The following GRB7 variants were observed in gnomAD, a reference collection of about 807,000 sequenced individuals.
GRB7 encodes growth factor receptor-bound protein 7.
In GRB7, 47 loss-of-function variants were observed where a neutral mutation model predicts 64.1. The observed-to-expected ratio is 0.73, with a 90% CI of 0.58 to 0.94. The LOEUF is 0.94. Among genes scored for constraint, GRB7 ranks in the 40% least tolerant of loss-of-function variants. The pLI, the probability that GRB7 is intolerant of heterozygous loss-of-function variation, is 0.00. For synonymous variants in GRB7, 277 were observed against 279.9 expected (o/e 0.99, Z 0.10); for missense variants, 634 against 718.4 (o/e 0.88, Z 1.34).
chr17:39,745,875 C>T (rs1478105489), intron 12 of GRB7, 38 bp from the exon 13 acceptor site: 2 of 1,612,944 alleles, frequency 1.2e-6, no homozygotes, highest in Admixed American at 1.7e-5. Flanking sequence ...TAGGGGTCCC[C>T]TCCCCAAAGT....
chr17:39,743,745 C>T (rs986331736), intron 6 of GRB7: 29 of 419,152 alleles, frequency 6.9e-5, no homozygotes, highest in African/African-American at 4.2e-4. Context: ...GAGGCTGAGG[C>T]GGGAGGATTA....
chr17:39,745,435 A>T lies in GRB7; in HGVS notation c.1106A>T (p.Asp369Val). 1 of 1,613,884 alleles carries T rather than the reference A, an allele frequency of 6.2e-7. No individual in the cohort carries two copies. Among genetic ancestry groups the T allele is most frequent in the Non-Finnish European group, 8.5e-7 (1 of 1,179,952 alleles). Residue 369 changes from aspartate to valine, a missense_variant, in exon 11 of 15, where the codon GAT becomes GTT. By Grantham distance (152) the Asp-to-Val change is radical. Coordinates refer to ENST00000309156, the MANE Select transcript of GRB7 (RefSeq NM_005310.5). ...TTCCATCTCCAGAGAAGTGCCTCAGATAATACCCTGGTGGCCATGGACTTC... is the reference window on the plus strand; with the variant it reads ...TTCCATCTCCAGAGAAGTGCCTCAGTTAATACCCTGGTGGCCATGGACTTC... ...LGSPPLRSAS[D>V]NTLVAMDFSG... is the part of the protein sequence containing the mutation.
intron 5 of GRB7, 40 bp from the exon 6 acceptor site, chr17:39,743,353 G>C: frequency 6.2e-7 from 1 of 1,614,168 alleles, no homozygotes. Flanking sequence ...CCTCAACCTG[G>C]ATGCTGGAGC....
intron 1 of GRB7, among the ~76,000 whole-genome samples, chr17:39,740,897 G>A (rs906559940): frequency 1.3e-5 from 2 of 152,188 alleles, no homozygotes; most frequent in African/African-American, 2.4e-5. Flanking sequence ...CTCCTGAGGG[G>A]TCAATCCCAG....
At chr17:39,741,775 T>C (rs776779663) in intron 1 of GRB7, among the ~76,000 whole-genome samples, 1 of 151,720 alleles carries the variant, frequency 6.6e-6, no homozygotes, top group Non-Finnish European at 1.5e-5. Context: ...ATCCCAGCAC[T>C]TTGGGAGGCC....
Position 39,742,551 on chromosome 17 carries a change from T to G in GRB7, c.156-15T>G. 1 of 1,613,842 alleles carries G rather than the reference T, an allele frequency of 6.2e-7. No individual in the cohort carries two copies. The highest frequency in any genetic ancestry group is 8.5e-7 in the Non-Finnish European group (1 of 1,179,976). On this transcript the variant is annotated splice_polypyrimidine_tract_variant and intron_variant, in intron 2 of 14. Transcript: ENST00000309156. ...CCCTTCCCCACACCTCTCTCCCTTT[T>G]TCTTCTTGCCACAGGAAACTTCGAG...
intron 9 of GRB7, 44 bp from the exon 10 acceptor site, chr17:39,745,199 C>A: frequency 6.6e-7 from 1 of 1,512,732 alleles, no homozygotes; most frequent in South Asian, 1.2e-5. Flanking sequence ...GCCACGCCCC[C>A]AGGACCTCTC....
chr17:39,742,479 G>T (rs772848794), intron 2 of GRB7, 23 bp downstream of exon 2: 2 of 1,613,270 alleles, frequency 1.2e-6, no homozygotes, highest in Non-Finnish European at 8.5e-7. Context: ...GTGGGGCTTG[G>T]GGGAGGTCAG....
Position 39,744,655 on chromosome 17 carries a change from T to C in GRB7, c.904T>C (p.Cys302Arg). ...CGGGATGCCCACTGACTTCGGTTTCTGTGTCAAGGTGAAGACCTGGCCAGG... is the reference window on the plus strand; with the variant it reads ...CGGGATGCCCACTGACTTCGGTTTCCGTGTCAAGGTGAAGACCTGGCCAGG... ...LYGMPTDFGF[C>R]VKPNKLRNGH... Residue 302 changes from cysteine (C) to arginine (R), a missense_variant, in exon 8 of 15, where the codon TGT becomes CGT. By Grantham distance (180) the Cys-to-Arg change is radical. Around this residue, in one of 2 missense-constraint regions of GRB7, gnomAD observed 467 missense variants for 576.6 expected, o/e 0.81. Transcript: ENST00000309156. 6.2e-7 allele frequency: 1 copy of C among 1,602,406 alleles called. No individual in the cohort carries two copies. The highest frequency in any genetic ancestry group is 8.5e-7 in the Non-Finnish European group (1 of 1,174,732).
chr17:39,746,967 GA>G lies in GRB7; in HGVS notation c.*71del, dbSNP rs2060053940. The G allele has an allele frequency of 6.6e-7, 1 of 1,524,368 alleles. No individual in the cohort carries two copies. The highest frequency in any genetic ancestry group is 2.3e-5 in the East Asian group (1 of 43,520). 94.4% of individuals were successfully genotyped at this position (1,524,368 alleles called of 1,614,324 possible). A position where few individuals can be genotyped will look rare whatever the true frequency, so the allele number is the denominator to read the frequency against. The stretch of plus-strand genomic sequence containing the variant: ...CCGCCGCCCCTCCACCCATCCAGTG[GA>G]CTCTGGGGCGCGGCCACAGGGGACG... On this transcript the variant is annotated 3_prime_UTR_variant, in exon 15 of 15. Coordinates refer to ENST00000309156, the MANE Select transcript of GRB7 (RefSeq NM_005310.5).
In GRB7 at chr17:39,742,360, C is replaced by G; in HGVS notation, c.59C>G (p.Ala20Gly). The change falls in exon 2 of 15, where the codon GCC (alanine) becomes GGC (glycine). Residue 20 changes from alanine (A) to glycine (G), a missense_variant. By Grantham distance (60) the Ala-to-Gly change is moderately conservative. Around this residue, in one of 2 missense-constraint regions of GRB7, gnomAD observed 167 missense variants for 141.9 expected, o/e 1.18. Transcript: ENST00000309156. ...AGCTCTCCGGAAGACCTTTGCCCAG[C>G]CCCTGGGACCCCTCCTGGGACTCCC... ...LSSSPEDLCP[A>G]PGTPPGTPRP... 1 of 1,613,868 alleles carries G rather than the reference C, an allele frequency of 6.2e-7. No homozygotes were observed. Among genetic ancestry groups the G allele is most frequent in the South Asian group, 1.1e-5 (1 of 91,076 alleles).
At position 39,744,106 on chromosome 17, in the gene GRB7, G is replaced by A. The variant is rs369214218; in HGVS notation, c.700G>A (p.Gly234Ser). The change falls in exon 7 of 15, where the codon GGC becomes AGC. Residue 234 changes from glycine (G) to serine (S), a missense_variant. Gly to Ser is a moderately conservative substitution (Grantham distance 56, BLOSUM62 0). Transcript: ENST00000309156. The stretch of plus-strand genomic sequence containing the variant: ...TGCTGGCAGCTTTCCTGAGATCCAG[G>A]GCTTTCTGCAGCTGCGGGGTTCAGG... ...LNAGSFPEIQ[G>S]FLQLRGSGRK... The A allele has an allele frequency of 7.8e-5, 126 of 1,614,050 alleles. No individual in the cohort carries two copies. Among genetic ancestry groups the A allele is most frequent in the Non-Finnish European group, 9.8e-5 (116 of 1,180,042 alleles).
chr17:39,746,245 G>A, intron 14 of GRB7, 43 bp downstream of exon 14: 1 of 1,515,856 alleles, frequency 6.6e-7, no homozygotes, highest in Non-Finnish European at 9.2e-7. Context: ...TGAGACACAG[G>A]ACTCCCAGCA....
In GRB7 at chr17:39,745,804, G is replaced by A. The variant is rs200864919; in HGVS notation, c.1270+16G>A. 296 of 1,613,774 alleles carry A rather than the reference G, an allele frequency of 1.8e-4. 1 individual carries two copies. In the Middle Eastern group the frequency reaches 3.0e-3, roughly 16 times the overall value. The stretch of plus-strand genomic sequence containing the variant: ...CTCAGTGCAGGTGGGTGACGGCCCC[G>A]AGTCCTGGGGCGGGGGCTGCCTCAA... On this transcript the variant is annotated intron_variant, in intron 12 of 14. Transcript: ENST00000309156.
At chr17:39,744,388 A>G in intron 7 of GRB7, 165 bp from the exon 8 acceptor site, 1 of 871,824 alleles carries the variant, frequency 1.1e-6, no homozygotes, top group Non-Finnish European at 1.8e-6. Context: ...TAGCAGGAGA[A>G]AAGATGATCT....
chr17:39,743,973 T>C (rs1344732875), intron 6 of GRB7, 97 bp from the exon 7 acceptor site: 54 of 1,475,320 alleles, frequency 3.7e-5, no homozygotes, highest in Non-Finnish European at 4.8e-5. Flanking sequence ...CATGAGACCC[T>C]GTCTCAAAAA....
At chr17:39,739,985 G>C in intron 1 of GRB7, 8 of 985,444 alleles carry the variant, frequency 8.1e-6, no homozygotes, top group Non-Finnish European at 9.6e-6. Context: ...CCCAGCCTTG[G>C]ACTGGCCCTC....
In GRB7 at chr17:39,746,977, C is replaced by T. The variant is rs558564705; in HGVS notation, c.*80C>T. The T allele has an allele frequency of 3.2e-5, 48 of 1,480,236 alleles. No individual in the cohort carries two copies. The East Asian group carries it at 9.3e-4, about 29-fold the overall frequency. The allele number at this position is 1,480,236 out of a possible 1,614,324, so 91.7% of individuals were successfully genotyped here. A position where few individuals can be genotyped will look rare whatever the true frequency, so the allele number is the denominator to read the frequency against. On this transcript the variant is annotated 3_prime_UTR_variant, in exon 15 of 15. Coordinates refer to ENST00000309156, the MANE Select transcript of GRB7 (RefSeq NM_005310.5). The stretch of plus-strand genomic sequence containing the variant: ...TCCACCCATCCAGTGGACTCTGGGG[C>T]GCGGCCACAGGGGACGGGATGAGGA...
chr17:39,746,276 C>T, intron 14 of GRB7, 74 bp downstream of exon 14: 1 of 1,227,652 alleles, frequency 8.1e-7, no homozygotes, highest in African/African-American at 1.5e-5. Flanking sequence ...CTCACCAGGC[C>T]CCTCCAGAGG....
Sources: allele counts gnomAD v4.1 joint callset (sites outside exome capture counted in the v4.1 genomes callset), GRCh38; gene constraint gnomAD v4.1.1; regional missense constraint gnomAD v4.1.1; transcripts MANE v1.5; gene names NCBI Gene and HGNC (gene_info 2026-07-23, HGNC 2026-07-21).